The following DZIP1 variants were observed in gnomAD, a reference collection of about 807,000 sequenced individuals.
DZIP1 encodes the protein cilium assembly protein DZIP1.
In DZIP1, 97 loss-of-function variants were observed where a neutral mutation model predicts 107.6. The ratio of observed to expected loss-of-function variants is 0.90; its 90% CI spans 0.77 to 1.07. The LOEUF is 1.07. Ranked by LOEUF, DZIP1 falls within the 50% of genes least tolerant of loss-of-function variation. DZIP1 has a pLI of 0.00. For missense variants in DZIP1, 1,035 were observed against 1,063.6 expected (o/e 0.97, Z 0.37); for synonymous variants, 390 against 386.4 (o/e 1.01, Z -0.11).
Position 95,586,156 on chromosome 13 carries a change from T to C in DZIP1, c.2219-20A>G, listed in dbSNP as rs780527059. The stretch of plus-strand genomic sequence containing the variant: ...CGACTCCTATAAGATCAATAAAAAT[T>C]AGGCAAGTTAAGTATTTAAAAATTT... On this transcript the variant is annotated intron_variant, in intron 20 of 22. Transcript: ENST00000376829. 7.6e-6 allele frequency: 12 copies of C among 1,571,190 alleles called. No homozygotes were observed. The South Asian group carries it at 1.4e-4, about 19-fold the overall frequency.
At chr13:95,587,448 C>T (rs1274193194) in intron 20 of DZIP1, 91 bp downstream of exon 20, 2 of 1,526,070 alleles carry the variant, frequency 1.3e-6, no homozygotes, top group African/African-American at 1.4e-5. Context: ...TGCACACCCT[C>T]CCAGCTCAGA....
chr13:95,588,433 T>C (rs1357975086), intron 19 of DZIP1, among the ~76,000 whole-genome samples: 1 of 152,226 alleles, frequency 6.6e-6, no homozygotes, highest in African/African-American at 2.4e-5. Context: ...AAGGCAATGA[T>C]GATTAAATTA....
rs1367769895 is a variant in DZIP1 at position 95,579,490 on chromosome 13, A to C, written c.*2744T>G. ...GAAATGAAAACAGAGAGCTTAAATAATTTGCCACAGTAATGTCGAAACTAG... is the reference window on the plus strand; with the variant it reads ...GAAATGAAAACAGAGAGCTTAAATACTTTGCCACAGTAATGTCGAAACTAG... On this transcript the variant is annotated 3_prime_UTR_variant, in exon 23 of 23. Transcript: ENST00000376829. The C allele has an allele frequency of 3.3e-5, 5 of 152,254 alleles. No individual in the cohort carries two copies. Among genetic ancestry groups the C allele is most frequent in the Non-Finnish European group, 7.3e-5 (5 of 68,048 alleles). 9.4% of individuals were successfully genotyped at this position (152,254 alleles called of 1,614,324 possible).
At chr13:95,622,317 T>A in intron 9 of DZIP1, 26 bp downstream of exon 9, 4 of 1,614,024 alleles carry the variant, frequency 2.5e-6, no homozygotes, top group Non-Finnish European at 3.4e-6. Flanking sequence ...AGGCATCCAC[T>A]GCAGCTGTCA....
chr13:95,606,432 C>G, intron 13 of DZIP1, among the ~76,000 whole-genome samples: 1 of 152,198 alleles, frequency 6.6e-6, no homozygotes, highest in East Asian at 1.9e-4. Context: ...AATCTACTAT[C>G]CATCTCTATG....
At chr13:95,598,268 G>A (rs2044514800) in intron 15 of DZIP1, among the ~76,000 whole-genome samples, 1 of 152,116 alleles carries the variant, frequency 6.6e-6, no homozygotes, top group Non-Finnish European at 1.5e-5. Context: ...TATTGGGACA[G>A]GAAGATATGC....
chr13:95,624,314 C>A (rs1399338109), intron 8 of DZIP1, among the ~76,000 whole-genome samples: 1 of 152,172 alleles, frequency 6.6e-6, no homozygotes, highest in Non-Finnish European at 1.5e-5. Flanking sequence ...GGGCTGTTCC[C>A]ACAAGGGAGA....
chr13:95,625,425 C>T (rs1254707206), intron 7 of DZIP1, among the ~76,000 whole-genome samples: 2 of 152,168 alleles, frequency 1.3e-5, no homozygotes, highest in African/African-American at 4.8e-5. Context: ...TTGAACGACA[C>T]TATATGCCAA....
rs1555306564 is a variant in DZIP1, at chr13:95,600,590, T to TGATAGATAGATA, written c.1478-1178_1478-1167dup. ...GAGATGATAGAGATAGATAGATAGA[T>TGATAGATAGATA]GATAGATAGATAGATAGATAGATAG... is the stretch of plus-strand genomic sequence containing the variant. On this transcript the variant is annotated intron_variant, in intron 14 of 22. Transcript: ENST00000376829. 3.8e-3 allele frequency among the ~76,000 whole-genome samples: 536 copies of TGATAGATAGATA among 141,772 alleles called. 1 individual carries two copies. Among genetic ancestry groups the TGATAGATAGATA allele is most frequent in the East Asian group, 5.2e-3 (25 of 4,772 alleles). The allele number at this position is 141,772 out of a possible 152,430, so 93.0% of individuals were successfully genotyped here. A position where few individuals can be genotyped will look rare whatever the true frequency, so the allele number is the denominator to read the frequency against.
chr13:95,588,003 T>C (rs2138791791), intron 19 of DZIP1: 3 of 301,018 alleles, frequency 1.0e-5, no homozygotes, highest in East Asian at 1.1e-4. Context: ...CAAATGTGTA[T>C]ATATTCTTAA....
At chr13:95,585,372 T>C (rs1364914009) in intron 21 of DZIP1, among the ~76,000 whole-genome samples, 1 of 152,240 alleles carries the variant, frequency 6.6e-6, no homozygotes, top group Non-Finnish European at 1.5e-5. Context: ...TTTTGCTCTC[T>C]CTTGAATGTC....
At chr13:95,610,304 AGTTTTTTG>A (rs781561366) in intron 12 of DZIP1, among the ~76,000 whole-genome samples, 1 of 142,244 alleles carries the variant, frequency 7.0e-6, no homozygotes, top group Non-Finnish European at 1.6e-5. Flanking sequence ...AATAATTAAG[AGTTTTTTG>A]GTTTTTTTTT....
Position 95,642,230 on chromosome 13 carries a change from G to A in DZIP1, c.-201C>T, listed in dbSNP as rs1189686579. The A allele has an allele frequency of 3.2e-6, 2 of 620,360 alleles. No individual in the cohort carries two copies. The highest frequency in any genetic ancestry group is 5.2e-6 in the Non-Finnish European group (2 of 383,192). 38.4% of individuals were successfully genotyped at this position (620,360 alleles called of 1,614,324 possible). On this transcript the variant is annotated 5_prime_UTR_variant, in exon 4 of 23. Coordinates refer to ENST00000376829, the MANE Select transcript of DZIP1 (RefSeq NM_198968.4). Reference sequence around the variant, plus strand: ...GCGTCTGCCCGCGCAGGGTCAGCGTGCACCCAGAACCCTGCGGGACCAGAG... The same window carrying A: ...GCGTCTGCCCGCGCAGGGTCAGCGTACACCCAGAACCCTGCGGGACCAGAG...
chr13:95,587,304 T>C (rs1036324742), intron 20 of DZIP1, among the ~76,000 whole-genome samples: 1 of 152,216 alleles, frequency 6.6e-6, no homozygotes, highest in African/African-American at 2.4e-5. Flanking sequence ...ACCCAGTTTA[T>C]GGTACTGTTA....
At position 95,585,732 on chromosome 13, in the gene DZIP1, C is replaced by T. The variant is rs189422154; in HGVS notation, c.2349+274G>A. On this transcript the variant is annotated intron_variant, in intron 21 of 22. Transcript: ENST00000376829. ...CCAGTCACAAATTTCTTTGTACAAA[C>T]CATTTGATATCTGCAAGTATCAGAT... is the stretch of plus-strand genomic sequence containing the variant. Among the ~76,000 whole-genome samples, 218 of 152,274 alleles carry T rather than the reference C, an allele frequency of 1.4e-3. 1 individual carries two copies. The highest frequency in any genetic ancestry group is 4.8e-3 in the African/African-American group (199 of 41,556).
Position 95,641,194 on chromosome 13 carries a change from T to G in DZIP1, c.597+101A>C. 1 of 1,472,798 alleles carries G rather than the reference T, an allele frequency of 6.8e-7. No homozygotes were observed. Among genetic ancestry groups the G allele is most frequent in the South Asian group, 1.4e-5 (1 of 71,586 alleles). 91.2% of individuals were successfully genotyped at this position (1,472,798 alleles called of 1,614,324 possible). A position where few individuals can be genotyped will look rare whatever the true frequency, so the allele number is the denominator to read the frequency against. Reference sequence around the variant, plus strand: ...ATACTGTGTCTTCTGATATACAATATAAATCTTTAAGAAGAAAGAGTGGTG... The same window carrying G: ...ATACTGTGTCTTCTGATATACAATAGAAATCTTTAAGAAGAAAGAGTGGTG... On this transcript the variant is annotated intron_variant, in intron 5 of 22. Coordinates refer to ENST00000376829, the MANE Select transcript of DZIP1 (RefSeq NM_198968.4). The surrounding 1 kb of genome is among the most constrained non-coding windows in gnomAD (Gnocchi z 4.3).
Position 95,619,966 on chromosome 13 carries a change from A to T in DZIP1, c.1111-19T>A. ...TGCTTTCCTACAAAAGAATAAAAGA[A>T]TAATTTATGTACAACTGTAACAATG... is the stretch of plus-strand genomic sequence containing the variant. On this transcript the variant is annotated intron_variant, in intron 9 of 22. Transcript: ENST00000376829. 6.2e-7 allele frequency: 1 copy of T among 1,612,522 alleles called. No individual in the cohort carries two copies. Among genetic ancestry groups the T allele is most frequent in the Non-Finnish European group, 8.5e-7 (1 of 1,179,320 alleles).
Position 95,587,668 on chromosome 13 carries a change from A to G in DZIP1, c.2089T>C (p.Ser697Pro). 6.2e-7 allele frequency: 1 copy of G among 1,613,918 alleles called. No individual in the cohort carries two copies. Among genetic ancestry groups the G allele is most frequent in the South Asian group, 1.1e-5 (1 of 91,042 alleles). ...EDDDLIRAYASPGPLPVPPPQ... is the reference protein window; with the variant it reads ...EDDDLIRAYAPPGPLPVPPPQ... Reference sequence around the variant, plus strand: ...GGCGGCACAGGAAGTGGGCCTGGGGATGCGTATGCCCGGATGAGGTCGTCG... The same window carrying G: ...GGCGGCACAGGAAGTGGGCCTGGGGGTGCGTATGCCCGGATGAGGTCGTCG... The change falls in exon 20 of 23, where the codon TCC becomes CCC. Residue 697 changes from serine to proline, a missense_variant. Physicochemically the swap from Ser to Pro is moderately conservative, Grantham distance 74. Coordinates refer to ENST00000376829, the MANE Select transcript of DZIP1 (RefSeq NM_198968.4).
At position 95,612,152 on chromosome 13, in the gene DZIP1, C is replaced by T. The variant is rs546713622; in HGVS notation, c.1199G>A (p.Arg400Gln). Residue 400 changes from arginine (R) to glutamine (Q), a missense_variant, in exon 11 of 23, where the codon CGA becomes CAA. Transcript: ENST00000376829. ...ATTTAGATCATCTATCATTGAGGTT[C>T]GAAGTTTCTCTATATGTGACAGGAG... The part of the protein sequence containing the change: ...GRLLSHIEKL[R>Q]TSMIDDLNAS... The T allele has an allele frequency of 1.2e-5, 19 of 1,612,308 alleles. No individual in the cohort carries two copies. Among genetic ancestry groups the T allele is most frequent in the South Asian group, 8.8e-5 (8 of 91,016 alleles).
Sources: gnomAD v4.1 joint callset for allele counts (sites outside exome capture counted in the v4.1 genomes callset) on GRCh38, gnomAD v4.1.1 for gene constraint, Gnocchi (gnomAD v3.1) non-coding constraint, MANE v1.5 for transcripts, NCBI Gene and HGNC (gene_info 2026-07-23, HGNC 2026-07-21) for gene names.